AGPS: variants seen among roughly 807,000 people sequenced by gnomAD.
AGPS encodes the protein alkylglycerone phosphate synthase.
Under a neutral mutation model 90.7 loss-of-function variants are expected in AGPS, and 26 were observed. The ratio of observed to expected loss-of-function variants is 0.29; its 90% CI spans 0.21 to 0.40. The LOEUF (loss-of-function observed/expected upper bound fraction) is 0.40, where lower values mean the gene tolerates loss of function less well. Ranked by LOEUF, AGPS falls within the 10% of genes least tolerant of loss-of-function variation. The pLI, the probability that AGPS is intolerant of heterozygous loss-of-function variation, is 1.00. For synonymous variants in AGPS, 294 were observed against 285.3 expected (o/e 1.03, Z -0.31); for missense variants, 540 against 816.1 (o/e 0.66, Z 4.12).
intron 8 of AGPS, among the ~76,000 whole-genome samples, chr2:177,456,917 T>A (rs1224485750): frequency 1.3e-5 from 2 of 152,090 alleles, no homozygotes; most frequent in African/African-American, 4.8e-5. Context: ...TCACACTTAT[T>A]CTAAAATTGA....
intron 2 of AGPS, among the ~76,000 whole-genome samples, chr2:177,431,466 A>T (rs1443586666): frequency 4.6e-5 from 7 of 152,158 alleles, no homozygotes; most frequent in African/African-American, 1.7e-4. Context: ...CCTCAAATTT[A>T]CCAGAGCGGG....
intron 8 of AGPS, among the ~76,000 whole-genome samples, chr2:177,459,879 A>G (rs1687239566): frequency 6.6e-6 from 1 of 152,250 alleles, no homozygotes; most frequent in South Asian, 2.1e-4. Flanking sequence ...TGTTTACTGC[A>G]GCACTATTCA....
intron 14 of AGPS, among the ~76,000 whole-genome samples, chr2:177,502,135 T>C (rs2105714489): frequency 6.6e-6 from 1 of 152,344 alleles, no homozygotes; most frequent in South Asian, 2.1e-4. Flanking sequence ...TCTAGCAGTT[T>C]TGCTTACTCA....
intron 8 of AGPS, among the ~76,000 whole-genome samples, chr2:177,446,445 G>A (rs1366558671): frequency 6.6e-6 from 1 of 152,120 alleles, no homozygotes; most frequent in East Asian, 1.9e-4. Context: ...CTGGCCGACT[G>A]TTGCTTTTGA....
At chr2:177,467,176 G>A (rs549916873) in intron 9 of AGPS, among the ~76,000 whole-genome samples, 76 of 152,112 alleles carry the variant, frequency 5.0e-4, no homozygotes, top group African/African-American at 1.8e-3. Context: ...GCACATGAAT[G>A]TATCTAGTTT....
intron 10 of AGPS, among the ~76,000 whole-genome samples, chr2:177,475,476 G>A (rs916060668): frequency 1.3e-5 from 2 of 152,138 alleles, no homozygotes; most frequent in Non-Finnish European, 2.9e-5. Context: ...CAGCAATCCT[G>A]CCCCAAGCCC....
chr2:177,450,660 T>C (rs909878317), intron 8 of AGPS, among the ~76,000 whole-genome samples: 2 of 152,174 alleles, frequency 1.3e-5, no homozygotes, highest in Non-Finnish European at 2.9e-5. Context: ...AATACTATAC[T>C]GTTTGGATTA....
chr2:177,501,261 C>T (rs1273748928), intron 14 of AGPS, among the ~76,000 whole-genome samples: 1 of 152,106 alleles, frequency 6.6e-6, no homozygotes, highest in Non-Finnish European at 1.5e-5. Flanking sequence ...CTCACACACA[C>T]CTCCACATCT....
At chr2:177,532,710 G>T (rs1393468808) in intron 19 of AGPS, among the ~76,000 whole-genome samples, 1 of 152,108 alleles carries the variant, frequency 6.6e-6, no homozygotes, top group African/African-American at 2.4e-5. Context: ...ACCCAAACTG[G>T]AAACAGCCCA....
In AGPS at chr2:177,436,139, A is replaced by ATTTTTT. The variant is rs1172040227; in HGVS notation, c.442-611_442-606dup. 5.6e-3 allele frequency among the ~76,000 whole-genome samples: 461 copies of ATTTTTT among 82,082 alleles called. 81 individuals are homozygous for ATTTTTT. The highest frequency in any genetic ancestry group is 0.018 in the African/African-American group (387 of 21,388). 53.8% of individuals were successfully genotyped at this position (82,082 alleles called of 152,430 possible). On this transcript the variant is annotated intron_variant, in intron 3 of 19. Coordinates refer to ENST00000264167, the MANE Select transcript of AGPS (RefSeq NM_003659.4). ...GCAATTGAAGAATAAGAAATGCTGA[A>ATTTTTT]TTTTTTTTTTTTTTTTTTTGCGACA... is the stretch of plus-strand genomic sequence containing the variant.
At chr2:177,406,659 A>C (rs1472503403) in intron 1 of AGPS, among the ~76,000 whole-genome samples, 2 of 152,240 alleles carry the variant, frequency 1.3e-5, no homozygotes, top group African/African-American at 2.4e-5. Flanking sequence ...AAAGTTTTAA[A>C]GTACACACTG....
chr2:177,409,220 T>G (rs1685552182), intron 1 of AGPS, among the ~76,000 whole-genome samples: 3 of 130,886 alleles, frequency 2.3e-5, no homozygotes, highest in African/African-American at 1.2e-4. Context: ...ACCCAACTAC[T>G]GTTTTGTTTT....
chr2:177,423,948 T>C (rs1224282839), intron 2 of AGPS, among the ~76,000 whole-genome samples: 2 of 152,142 alleles, frequency 1.3e-5, no homozygotes, highest in African/African-American at 4.8e-5. Flanking sequence ...ATTTTTTTTT[T>C]CCTTCAGCTT....
At chr2:177,401,192 TG>T in intron 1 of AGPS, among the ~76,000 whole-genome samples, 1 of 152,330 alleles carries the variant, frequency 6.6e-6, no homozygotes, top group South Asian at 2.1e-4. Flanking sequence ...CCAGTACAGG[TG>T]TAGGTGGAAA....
chr2:177,487,421 T>A (rs1324046410), intron 11 of AGPS, among the ~76,000 whole-genome samples: 1 of 152,156 alleles, frequency 6.6e-6, no homozygotes, highest in Non-Finnish European at 1.5e-5. Context: ...TTTCCTTCCT[T>A]CTATCACTTT....
intron 10 of AGPS, among the ~76,000 whole-genome samples, chr2:177,469,710 A>G (rs1201565756): frequency 6.6e-6 from 1 of 152,234 alleles, no homozygotes; most frequent in Non-Finnish European, 1.5e-5. Flanking sequence ...TTTTGCCATC[A>G]GAAGTCAAGT....
At chr2:177,500,250 A>T (rs957039601) in intron 14 of AGPS, among the ~76,000 whole-genome samples, 2 of 152,040 alleles carry the variant, frequency 1.3e-5, no homozygotes, top group Non-Finnish European at 1.5e-5. Context: ...AACCAACTGA[A>T]TAATGGTAGG....
At chr2:177,493,682 G>A (rs1432128103) in intron 12 of AGPS, among the ~76,000 whole-genome samples, 1 of 152,146 alleles carries the variant, frequency 6.6e-6, no homozygotes, top group East Asian at 1.9e-4. Flanking sequence ...TGGTTGGGTG[G>A]GCTAGGGCTT....
intron 19 of AGPS, among the ~76,000 whole-genome samples, chr2:177,532,214 T>A (rs902483252): frequency 2.6e-5 from 4 of 152,154 alleles, no homozygotes; most frequent in Admixed American, 6.5e-5. Context: ...GTGCAAACCT[T>A]ATATCCAAGA....
Sources: allele counts gnomAD v4.1 joint callset (sites outside exome capture counted in the v4.1 genomes callset), GRCh38; gene constraint gnomAD v4.1.1; transcripts MANE v1.5; gene names NCBI Gene and HGNC (gene_info 2026-07-23, HGNC 2026-07-21).